Variants in GART observed in about 807,000 individuals in gnomAD.
The protein encoded by GART is phosphoribosylglycinamide formyltransferase, phosphoribosylglycinamide synthetase, phosphoribosylaminoimidazole synthetase, also known as trifunctional purine biosynthetic protein adenosine-3.
GART carries 43 observed loss-of-function variants against 107.2 expected under a neutral mutation model. The ratio of observed to expected loss-of-function variants is 0.40; its 90% confidence interval spans 0.31 to 0.52. The LOEUF is 0.52. Among genes scored for constraint, GART ranks in the 20% least tolerant of loss-of-function variants. The pLI, the probability that GART is intolerant of heterozygous loss-of-function variation, is 0.52. For synonymous variants in GART, 434 were observed against 427.0 expected, an observed-to-expected ratio of 1.02 and a Z score of -0.20; for missense variants, 1,107 against 1,206.5, an observed-to-expected ratio of 0.92 and a Z score of 1.22.
chr21:33,516,126 T>C (rs1198876886), intron 16 of GART, among the ~76,000 whole-genome samples: 1 of 151,582 alleles, frequency 6.6e-6, no homozygotes, highest in African/African-American at 2.4e-5. Context: ...CGGGTGCCTG[T>C]AATCCTAGCT....
chr21:33,539,072 G>A, intron 2 of GART, 99 bp downstream of exon 2: 1 of 1,212,872 alleles, frequency 8.2e-7, no homozygotes, highest in Non-Finnish European at 1.1e-6. Context: ...TAGCCACTGT[G>A]CCCAGCCTAT....
chr21:33,531,133 G>C (rs1002644434), intron 6 of GART: 1 of 388,794 alleles, frequency 2.6e-6, no homozygotes, highest in Middle Eastern at 7.1e-4. Context: ...CAAAGTAAAA[G>C]ATTTCAACCT....
chr21:33,528,125 C>T (rs769503529), intron 10 of GART, 42 bp downstream of exon 10: 5 of 1,594,684 alleles, frequency 3.1e-6, no homozygotes, highest in Admixed American at 3.3e-5. Context: ...GGTGCTGGCA[C>T]TTGTCACGTT....
chr21:33,520,931 G>A lies in GART; in HGVS notation c.1478C>T (p.Thr493Ile). The A allele has an allele frequency of 1.9e-6, 3 of 1,613,778 alleles. No homozygotes were observed. The highest frequency in any genetic ancestry group is 2.5e-6 in the Non-Finnish European group (3 of 1,179,860). ...GFKDPLLASGTDGVGTKLKIA... is the reference protein window; with the variant it reads ...GFKDPLLASGIDGVGTKLKIA... ...CTTTAGTTTAGTTCCAACGCCATCT[G>A]TTCCAGAGGCCAGAAGGGGATCTTT... The change falls in exon 13 of 22, where the codon ACA becomes ATA. Residue 493 changes from threonine to isoleucine, a missense_variant. Transcript: ENST00000381815.
rs1350284106 is a variant in GART at position 33,528,197 on chromosome 21, C to T, written c.1036G>A (p.Gly346Arg). ...TVVMASKGYP[G>R]DYTKGVEITG... ...ATCTCTACACCCTTGGTGTAGTCTC[C>T]AGGATAACCTTTACTTGCCATGACA... Residue 346 changes from glycine (G) to arginine (R), a missense_variant, in exon 10 of 22, where the codon GGA (glycine) becomes AGA (arginine). Coordinates refer to ENST00000381815, the MANE Select transcript of GART (RefSeq NM_000819.5). 2 of 1,613,798 alleles carry T rather than the reference C, an allele frequency of 1.2e-6. No individual in the cohort carries two copies. The highest frequency in any genetic ancestry group is 1.7e-5 in the Admixed American group (1 of 60,000).
chr21:33,507,065 C>G (rs1416809717), intron 18 of GART, among the ~76,000 whole-genome samples: 1 of 152,118 alleles, frequency 6.6e-6, no homozygotes, highest in Non-Finnish European at 1.5e-5. Context: ...TAGGTATATA[C>G]CCAAAAGAAA....
At chr21:33,532,303 G>T in intron 5 of GART, 42 bp downstream of exon 5, 3 of 1,330,998 alleles carry the variant, frequency 2.3e-6, no homozygotes, top group Non-Finnish European at 3.2e-6. Context: ...TATTTATTCA[G>T]TATGAATAGA....
intron 16 of GART, among the ~76,000 whole-genome samples, chr21:33,514,258 ACT>A (rs1377162741): frequency 2.0e-5 from 3 of 152,106 alleles, no homozygotes; most frequent in Middle Eastern, 3.4e-3. Context: ...ACAGAGTGAT[ACT>A]CTGTCTCAAT....
chr21:33,522,876 AAG>A (rs2084998282), intron 11 of GART, among the ~76,000 whole-genome samples: 1 of 152,260 alleles, frequency 6.6e-6, no homozygotes, highest in African/African-American at 2.4e-5. Flanking sequence ...TGGTATGAAC[AAG>A]AGAGGAATGC....
chr21:33,535,939 A>G (rs1449046773), intron 2 of GART, among the ~76,000 whole-genome samples: 1 of 152,088 alleles, frequency 6.6e-6, no homozygotes, highest in Non-Finnish European at 1.5e-5. Flanking sequence ...GAGACAGGAG[A>G]ATCGCTTGAA....
chr21:33,528,083 G>T, intron 10 of GART, 84 bp downstream of exon 10: 1 of 1,302,630 alleles, frequency 7.7e-7, no homozygotes, highest in Non-Finnish European at 1.1e-6. Flanking sequence ...CTTATCGAGA[G>T]CAAGCCTTAG....
intron 16 of GART, among the ~76,000 whole-genome samples, chr21:33,516,733 T>A (rs2084886087): frequency 6.6e-6 from 1 of 152,098 alleles, no homozygotes. Flanking sequence ...AAGTTACCAA[T>A]CCCCTTGGAG....
chr21:33,517,164 A>C (rs778320992), intron 15 of GART, 23 bp from the exon 16 acceptor site: 1 of 1,589,598 alleles, frequency 6.3e-7, no homozygotes, highest in Non-Finnish European at 8.5e-7. Flanking sequence ...GAGAGAAGAC[A>C]AAAACTTAGC....
intron 14 of GART, among the ~76,000 whole-genome samples, chr21:33,519,281 C>A (rs1049258850): frequency 1.4e-4 from 22 of 152,050 alleles, no homozygotes; most frequent in African/African-American, 5.1e-4. Flanking sequence ...TGGCCGGGCA[C>A]GGTGGCTCAT....
chr21:33,505,980 G>A lies in GART; in HGVS notation c.2577C>T (p.Pro859=), dbSNP rs1489356989. ...GLDKAERAGI[P]TRVINHKLYK... is the part of the protein sequence containing the mutation. Reference sequence around the variant, plus strand: ...ATTTTCCCAAGTAACTTACTCTAGTGGGAATACCAGCTCTTTCCGCTTTAT... The same window carrying A: ...ATTTTCCCAAGTAACTTACTCTAGTAGGAATACCAGCTCTTTCCGCTTTAT... The change falls in exon 19 of 22, where the codon CCC becomes CCT. Residue 859 remains proline (P), a synonymous_variant. Coordinates refer to ENST00000381815, the MANE Select transcript of GART (RefSeq NM_000819.5). 3 of 1,613,980 alleles carry A rather than the reference G, an allele frequency of 1.9e-6. 1 individual carries two copies. The South Asian group carries it at 3.3e-5, about 18-fold the overall frequency.
At chr21:33,539,099 T>C in intron 2 of GART, 72 bp downstream of exon 2, 8 of 1,443,344 alleles carry the variant, frequency 5.5e-6, no homozygotes, top group South Asian at 2.5e-5. Context: ...TAACATAAAG[T>C]ACAGATATGG....
At chr21:33,531,167 C>T (rs1357984098) in intron 6 of GART, 3 of 392,708 alleles carry the variant, frequency 7.6e-6, no homozygotes, top group Non-Finnish European at 1.3e-5. Flanking sequence ...AGCTTCCAGG[C>T]ATTAAAACTT....
chr21:33,530,389 A>G (rs1433858482), intron 7 of GART, among the ~76,000 whole-genome samples: 1 of 152,140 alleles, frequency 6.6e-6, no homozygotes, highest in Admixed American at 6.5e-5. Context: ...CTTGGTTCTC[A>G]ATTCATATCA....
At chr21:33,532,096 T>A (rs1356642594) in intron 5 of GART, 1 of 440,694 alleles carries the variant, frequency 2.3e-6, no homozygotes, top group African/African-American at 2.0e-5. Context: ...GTCTGAGGAT[T>A]TTCTTTCAGT....
Sources: gnomAD v4.1 joint callset for allele counts (sites outside exome capture counted in the v4.1 genomes callset) on GRCh38, gnomAD v4.1.1 for gene constraint, MANE v1.5 for transcripts, NCBI Gene and HGNC (gene_info 2026-07-23, HGNC 2026-07-21) for gene names.